Variants in ASB18 observed in about 807,000 individuals in gnomAD.
The protein encoded by ASB18 is ankyrin repeat and SOCS box protein 18.
In ASB18, 33 loss-of-function variants were observed where a neutral mutation model predicts 33.4. That is an observed-to-expected ratio of 0.99 (90% confidence interval 0.75 to 1.32). The LOEUF (loss-of-function observed/expected upper bound fraction) is 1.32, where lower values mean the gene tolerates loss of function less well. ASB18 is among the 40% of genes most tolerant of loss of function. The probability of loss-of-function intolerance (pLI) is 0.00; values close to 1 mark genes in which losing one functional copy is unlikely to be tolerated. For missense variants in ASB18, 694 were observed against 655.5 expected, an observed-to-expected ratio of 1.06 and a Z score of -0.64; for synonymous variants, 295 against 307.6, an observed-to-expected ratio of 0.96 and a Z score of 0.43.
chr2:236,223,752 G>A lies in ASB18; in HGVS notation c.597-8886C>T, dbSNP rs2060523619. Among the ~76,000 whole-genome samples, 1 of 152,190 alleles carries A rather than the reference G, an allele frequency of 6.6e-6. No homozygotes were observed. Among genetic ancestry groups the A allele is most frequent in the Admixed American group, 6.5e-5 (1 of 15,276 alleles). On this transcript the variant is annotated intron_variant, in intron 3 of 5. Transcript: ENST00000409749. The surrounding 1 kb of genome is among the most constrained non-coding windows in gnomAD (Gnocchi z 4.6). The stretch of plus-strand genomic sequence containing the variant: ...TGCTGATTTTTCTCACAGTGGGTTA[G>A]TTTTGCATTTTCTAAAATTTTCCAC...
intron 4 of ASB18, among the ~76,000 whole-genome samples, chr2:236,212,788 C>T (rs561742696): frequency 2.6e-5 from 4 of 152,192 alleles, no homozygotes; most frequent in Non-Finnish European, 5.9e-5. Context: ...CCAGGCCCTG[C>T]TAATTTTTTT....
At chr2:236,258,131 G>A (rs977718575) in intron 1 of ASB18, among the ~76,000 whole-genome samples, 6 of 152,152 alleles carry the variant, frequency 3.9e-5, no homozygotes, top group South Asian at 4.1e-4. Context: ...TGGTATCCTC[G>A]CTGCCTACTT....
rs2060476268 is a variant in ASB18 at position 236,214,563 on chromosome 2, G to A, written c.900C>T (p.Ala300=). The change falls in exon 4 of 6, where the codon GCC becomes GCT. Residue 300 remains alanine, a synonymous_variant. Coordinates refer to ENST00000409749, the MANE Select transcript of ASB18 (RefSeq NM_212556.4). The surrounding 1 kb of genome is among the most constrained non-coding windows in gnomAD (Gnocchi z 6.5). Reference sequence around the variant, plus strand: ...CCAGGCTGTGGCTCGCGTGGCCGCAGGCTTTGTGCAGCGGGCTGCGCTCGT... The same window carrying A: ...CCAGGCTGTGGCTCGCGTGGCCGCAAGCTTTGTGCAGCGGGCTGCGCTCGT... ...DEDERSPLHK[A]CGHASHSLAR... 3.6e-6 allele frequency: 5 copies of A among 1,384,954 alleles called. No homozygotes were observed. Among genetic ancestry groups the A allele is most frequent in the Middle Eastern group, 5.3e-4 (2 of 3,758 alleles). The allele number at this position is 1,384,954 out of a possible 1,614,324, so 85.8% of individuals were successfully genotyped here.
In ASB18 at chr2:236,219,013, C is replaced by T. The variant is rs965972062; in HGVS notation, c.597-4147G>A. ...GTCTCCCAAGTAGCTGGGACTATAG[C>T]CGAGTGCCCCCATGCTTGGCTAATT... On this transcript the variant is annotated intron_variant, in intron 3 of 5. Transcript: ENST00000409749. The surrounding 1 kb of genome is among the most constrained non-coding windows in gnomAD (Gnocchi z 6.4). 6.6e-6 allele frequency among the ~76,000 whole-genome samples: 1 copy of T among 151,606 alleles called. No individual in the cohort carries two copies. Among genetic ancestry groups the T allele is most frequent in the Non-Finnish European group, 1.5e-5 (1 of 67,944 alleles).
At chr2:236,236,125 C>T (rs944295486) in intron 3 of ASB18, among the ~76,000 whole-genome samples, 8 of 152,188 alleles carry the variant, frequency 5.3e-5, no homozygotes, top group Non-Finnish European at 8.8e-5. Context: ...AGACTGGAAA[C>T]AATCAAATGT....
rs1472095135 is a variant in ASB18, at chr2:236,202,814, T to TATATATATATATATACACACAC, written c.1102-6430_1102-6429insGTGTGTGTATATATATATATAT. On this transcript the variant is annotated intron_variant, in intron 4 of 5. Transcript: ENST00000409749. ...AAAAAAATATATATATATATATATA[T>TATATATATATATATACACACAC]ACACACACCTATAGTTCTCTAAAAA... Among the ~76,000 whole-genome samples, 410 of 126,094 alleles carry TATATATATATATATACACACAC rather than the reference T, an allele frequency of 3.3e-3. 3 individuals carry two copies. Among genetic ancestry groups the TATATATATATATATACACACAC allele is most frequent in the Non-Finnish European group, 4.8e-3 (293 of 61,472 alleles). 82.7% of individuals were successfully genotyped at this position (126,094 alleles called of 152,430 possible).
At chr2:236,218,729 C>T (rs532266565) in intron 3 of ASB18, among the ~76,000 whole-genome samples, 3 of 138,930 alleles carry the variant, frequency 2.2e-5, no homozygotes, top group Non-Finnish European at 4.5e-5. Flanking sequence ...ACCTGGGAGG[C>T]GGAGCTTGCA....
In ASB18 at chr2:236,241,323, C is replaced by G. The variant is rs1373967265; in HGVS notation, c.285G>C (p.Glu95Asp). The G allele has an allele frequency of 6.2e-7, 1 of 1,613,772 alleles. No homozygotes were observed. The highest frequency in any genetic ancestry group is 8.5e-7 in the Non-Finnish European group (1 of 1,179,814). The part of the protein sequence containing the change: ...ANVVFEINKD[E>D]MEWQVKSPAT... Reference sequence around the variant, plus strand: ...CTGGAGATTTCACCTGCCATTCCATCTCATCCTTATTGATCTCAAACACCA... The same window carrying G: ...CTGGAGATTTCACCTGCCATTCCATGTCATCCTTATTGATCTCAAACACCA... The change falls in exon 2 of 6, where the codon GAG becomes GAC. Residue 95 changes from glutamate (E) to aspartate (D), a missense_variant. Transcript: ENST00000409749. This position sits in a 1 kb window ranked among gnomAD's most constrained non-coding sequence, Gnocchi z 4.2.
rs565227306 is a variant in ASB18, at chr2:236,208,313, C to T, written c.1101+6049G>A. Among the ~76,000 whole-genome samples, 4 of 152,314 alleles carry T rather than the reference C, an allele frequency of 2.6e-5. No individual in the cohort carries two copies. Among genetic ancestry groups the T allele is most frequent in the South Asian group, 4.2e-4 (2 of 4,816 alleles). On this transcript the variant is annotated intron_variant, in intron 4 of 5. Transcript: ENST00000409749. The surrounding 1 kb of genome is among the most constrained non-coding windows in gnomAD (Gnocchi z 7.7). ...ATATTTCTGGCTCACACGAGCCCCA[C>T]TAACATGCCATTTCCTCGTGCACGG...
intron 4 of ASB18, among the ~76,000 whole-genome samples, chr2:236,201,458 T>G (rs2060401799): frequency 6.6e-6 from 1 of 152,184 alleles, no homozygotes; most frequent in African/African-American, 2.4e-5. Flanking sequence ...CCGGCTCATC[T>G]TTCTTAAATA....
In ASB18 at chr2:236,263,517, A is replaced by T. The variant is rs1190904781; in HGVS notation, c.205+624T>A. 1.3e-5 allele frequency among the ~76,000 whole-genome samples: 2 copies of T among 152,250 alleles called. No homozygotes were observed. The highest frequency in any genetic ancestry group is 4.8e-5 in the African/African-American group (2 of 41,472). ...TCAGAGGGAACAGAAACCCTTGCGG[A>T]AAACAATTTGGAACCAATTTAGAAA... On this transcript the variant is annotated intron_variant, in intron 1 of 5. Coordinates refer to ENST00000409749, the MANE Select transcript of ASB18 (RefSeq NM_212556.4). The surrounding 1 kb of genome is among the most constrained non-coding windows in gnomAD (Gnocchi z 4.0).
rs909542166 is a variant in ASB18, at chr2:236,263,740, G to C, written c.205+401C>G. Among the ~76,000 whole-genome samples, 6 of 152,104 alleles carry C rather than the reference G, an allele frequency of 3.9e-5. No homozygotes were observed. Among genetic ancestry groups the C allele is most frequent in the Non-Finnish European group, 7.4e-5 (5 of 68,018 alleles). On this transcript the variant is annotated intron_variant, in intron 1 of 5. Transcript: ENST00000409749. The surrounding 1 kb of genome is among the most constrained non-coding windows in gnomAD (Gnocchi z 4.0). ...CATTTGGTTTAAGTATTTCAGTAGGGGATTGAAATTGGGAAGACTATGTAG... is the reference window on the plus strand; with the variant it reads ...CATTTGGTTTAAGTATTTCAGTAGGCGATTGAAATTGGGAAGACTATGTAG...
chr2:236,215,019 G>GGAAA lies in ASB18; in HGVS notation c.597-157_597-154dup, dbSNP rs2060481325. Among the ~76,000 whole-genome samples, 1 of 113,858 alleles carries GGAAA rather than the reference G, an allele frequency of 8.8e-6. No homozygotes were observed. Among genetic ancestry groups the GGAAA allele is most frequent in the Non-Finnish European group, 1.8e-5 (1 of 56,926 alleles). 74.7% of individuals were successfully genotyped at this position (113,858 alleles called of 152,430 possible). On this transcript the variant is annotated intron_variant, in intron 3 of 5. Coordinates refer to ENST00000409749, the MANE Select transcript of ASB18 (RefSeq NM_212556.4). This position sits in a 1 kb window ranked among gnomAD's most constrained non-coding sequence, Gnocchi z 7.2. ...AGGCGTCAGGAGTTCAAACTAAACTGGAAAAAAAAAAAAAAAAAAAGAGAT... is the reference window on the plus strand; with the variant it reads ...AGGCGTCAGGAGTTCAAACTAAACTGGAAAGAAAAAAAAAAAAAAAAAAAGAGAT...
chr2:236,210,497 C>T (rs1399403825), intron 4 of ASB18: 1 of 152,220 alleles, frequency 6.6e-6, no homozygotes, highest in African/African-American at 2.4e-5. Context: ...ATAAGTCTCA[C>T]CCTGAGAAAA....
At position 236,231,294 on chromosome 2, in the gene ASB18, A is replaced by G. The variant is rs1203230024; in HGVS notation, c.596+6395T>C. Among the ~76,000 whole-genome samples, 3 of 152,210 alleles carry G rather than the reference A, an allele frequency of 2.0e-5. No individual in the cohort carries two copies. Among genetic ancestry groups the G allele is most frequent in the Non-Finnish European group, 4.4e-5 (3 of 68,040 alleles). On this transcript the variant is annotated intron_variant, in intron 3 of 5. Coordinates refer to ENST00000409749, the MANE Select transcript of ASB18 (RefSeq NM_212556.4). The surrounding 1 kb of genome is among the most constrained non-coding windows in gnomAD (Gnocchi z 5.5). ...CCACATGACAAGTGCTATGGTTTAA[A>G]TGTTTGTGTCCCTCCAAAATTCATG...
rs2060457062 is a variant in ASB18 at position 236,211,140 on chromosome 2, G to C, written c.1101+3222C>G. On this transcript the variant is annotated intron_variant, in intron 4 of 5. Transcript: ENST00000409749. This position sits in a 1 kb window ranked among gnomAD's most constrained non-coding sequence, Gnocchi z 5.0. ...CTGTGGCAGATGCCAAACAAGTTCA[G>C]GTCCACGTCTGTGTGTGCTTCTCTG... Among the ~76,000 whole-genome samples, 1 of 152,172 alleles carries C rather than the reference G, an allele frequency of 6.6e-6. No individual in the cohort carries two copies.
rs1407674076 is a variant in ASB18 at position 236,217,403 on chromosome 2, ACT to A, written c.597-2539_597-2538del. ...TCCAGCCTGGGGGCAACAGAGCGAG[ACT>A]CTGTCTCAAAAAAAAAAAAAAATAA... On this transcript the variant is annotated intron_variant, in intron 3 of 5. Coordinates refer to ENST00000409749, the MANE Select transcript of ASB18 (RefSeq NM_212556.4). The surrounding 1 kb of genome is among the most constrained non-coding windows in gnomAD (Gnocchi z 5.2). Among the ~76,000 whole-genome samples, 1 of 132,864 alleles carries A rather than the reference ACT, an allele frequency of 7.5e-6. No homozygotes were observed. The allele number at this position is 132,864 out of a possible 152,430, so 87.2% of individuals were successfully genotyped here.
Position 236,241,608 on chromosome 2 carries a change from T to A in ASB18, c.206-206A>T, listed in dbSNP as rs554542126. ...AGCTATTTCTATTGTCATTACTCAATTGTCATCCAGTTGGGGCTCGATGGT... is the reference window on the plus strand; with the variant it reads ...AGCTATTTCTATTGTCATTACTCAAATGTCATCCAGTTGGGGCTCGATGGT... On this transcript the variant is annotated intron_variant, in intron 1 of 5. Coordinates refer to ENST00000409749, the MANE Select transcript of ASB18 (RefSeq NM_212556.4). This position sits in a 1 kb window ranked among gnomAD's most constrained non-coding sequence, Gnocchi z 4.2. The A allele has an allele frequency of 5.5e-4, 369 of 672,642 alleles. 2 individuals carry two copies. The African/African-American group carries it at 6.0e-3, about 11-fold the overall frequency. 41.7% of individuals were successfully genotyped at this position (672,642 alleles called of 1,614,324 possible).
intron 1 of ASB18, among the ~76,000 whole-genome samples, chr2:236,243,555 A>G (rs1488835813): frequency 6.6e-6 from 1 of 152,088 alleles, no homozygotes; most frequent in Non-Finnish European, 1.5e-5. Context: ...CCTGGGTGTT[A>G]GGAGGCTCCA....
Sources: allele counts gnomAD v4.1 joint callset (sites outside exome capture counted in the v4.1 genomes callset), GRCh38; gene constraint gnomAD v4.1.1; non-coding constraint Gnocchi (gnomAD v3.1); transcripts MANE v1.5; gene names NCBI Gene and HGNC (gene_info 2026-07-23, HGNC 2026-07-21).